The following PKM variants were observed in gnomAD, a reference collection of about 807,000 sequenced individuals.
The protein encoded by PKM is pyruvate kinase M1/2.
In PKM, 18 loss-of-function variants were observed where a neutral mutation model predicts 49.8. The observed-to-expected ratio is 0.36, with a 90% CI of 0.25 to 0.54. The LOEUF (loss-of-function observed/expected upper bound fraction) is 0.54. PKM is among the 20% of genes least tolerant of loss of function. PKM has a pLI of 0.89. For missense variants in PKM, 508 were observed against 713.8 expected (o/e 0.71, Z 3.28); for synonymous variants, 239 against 261.8 (o/e 0.91, Z 0.84).
At chr15:72,224,232 C>T (rs978958009) in intron 1 of PKM, among the ~76,000 whole-genome samples, 1 of 152,182 alleles carries the variant, frequency 6.6e-6, no homozygotes, top group African/African-American at 2.4e-5. Flanking sequence ...TGCCTCCTTA[C>T]TAGGATTAAA....
At position 72,217,428 on chromosome 15, in the gene PKM, A is replaced by G. The variant is rs1216580560; in HGVS notation, c.227T>C (p.Phe76Ser). 1 of 1,609,706 alleles carries G rather than the reference A, an allele frequency of 6.2e-7. No individual in the cohort carries two copies. Among genetic ancestry groups the G allele is most frequent in the Non-Finnish European group, 8.5e-7 (1 of 1,176,084 alleles). ...GCTCACCTCATGAGTTCCATGAGAG[A>G]AGTTCAGACGAGCCACATTCATTCC... Reference protein sequence around the residue: ...KSGMNVARLNFSHGTHEYHAE... With the variant: ...KSGMNVARLNSSHGTHEYHAE... Residue 76 changes from phenylalanine to serine, a missense_variant, in exon 3 of 11, where the codon TTC becomes TCC. By Grantham distance (155) the Phe-to-Ser change is radical (BLOSUM62 -2). Coordinates refer to ENST00000335181, the MANE Select transcript of PKM (RefSeq NM_002654.6).
rs2081912873 is a variant in PKM at position 72,200,401 on chromosome 15, G to A, written c.1489+73C>T. 10 of 1,443,742 alleles carry A rather than the reference G, an allele frequency of 6.9e-6. No homozygotes were observed. The highest frequency in any genetic ancestry group is 1.7e-5 in the Admixed American group (1 of 59,012). 89.4% of individuals were successfully genotyped at this position (1,443,742 alleles called of 1,614,324 possible). A position where few individuals can be genotyped will look rare whatever the true frequency, so the allele number is the denominator to read the frequency against. On this transcript the variant is annotated intron_variant, in intron 10 of 10. Coordinates refer to ENST00000335181, the MANE Select transcript of PKM (RefSeq NM_002654.6). This position sits in a 1 kb window ranked among gnomAD's most constrained non-coding sequence, Gnocchi z 4.6. ...TCCCCTTTCTATTCCCCAAACTTTC[G>A]GGGTCCCACAGAAGCCAATGCTCAA...
chr15:72,208,489 T>G, intron 6 of PKM, 132 bp downstream of exon 6: 1 of 910,956 alleles, frequency 1.1e-6, no homozygotes, highest in South Asian at 1.3e-5. Context: ...GATATTCTGA[T>G]TCAGCAGGTT....
intron 2 of PKM, among the ~76,000 whole-genome samples, chr15:72,218,186 C>T (rs2082422088): frequency 6.6e-6 from 1 of 151,284 alleles, no homozygotes. Flanking sequence ...GTGCAATGGT[C>T]AGATCTCAGC....
At chr15:72,208,479 G>T in intron 6 of PKM, 142 bp downstream of exon 6, 1 of 868,000 alleles carries the variant, frequency 1.2e-6, no homozygotes, top group Non-Finnish European at 1.9e-6. Context: ...ACTCTCCTAA[G>T]ATATTCTGAT....
intron 5 of PKM, 118 bp downstream of exon 5, chr15:72,209,555 G>GAGAAC: frequency 1.2e-6 from 1 of 838,216 alleles, no homozygotes; most frequent in Non-Finnish European, 2.1e-6. Context: ...AGGGATTCCT[G>GAGAAC]AGAACACACA....
At chr15:72,206,901 A>T (rs1320424039) in intron 7 of PKM, 21 bp from the exon 8 acceptor site, 1 of 1,613,630 alleles carries the variant, frequency 6.2e-7, no homozygotes, top group Non-Finnish European at 8.5e-7. Context: ...ACAGAGCATT[A>T]GTGAGATGTA....
chr15:72,206,296 AAAGG>A (rs2082076812), intron 8 of PKM: 1 of 197,240 alleles, frequency 5.1e-6, no homozygotes. Flanking sequence ...ATTGGAAGCC[AAAGG>A]AAGAGGGCAG....
intron 1 of PKM, among the ~76,000 whole-genome samples, chr15:72,220,550 G>A (rs1006938507): frequency 4.6e-5 from 7 of 152,164 alleles, no homozygotes; most frequent in African/African-American, 1.7e-4. Context: ...CTTTTAAAAT[G>A]GGGAAATAAG....
At chr15:72,224,538 C>T (rs1344894961) in intron 1 of PKM, among the ~76,000 whole-genome samples, 1 of 152,166 alleles carries the variant, frequency 6.6e-6, no homozygotes, top group Admixed American at 6.5e-5. Flanking sequence ...GTTTTAACAT[C>T]TGCCTCTCTA....
chr15:72,214,155 G>A (rs2082321385), intron 3 of PKM, among the ~76,000 whole-genome samples: 1 of 151,976 alleles, frequency 6.6e-6, no homozygotes, highest in Admixed American at 6.5e-5. Flanking sequence ...CAGTTTTCTT[G>A]ACTTTGTTCT....
intron 3 of PKM, 24 bp from the exon 4 acceptor site, chr15:72,210,502 C>G: frequency 5.0e-6 from 8 of 1,613,902 alleles, no homozygotes; most frequent in Non-Finnish European, 6.8e-6. Context: ...AGGAAGATGA[C>G]AAGCGTGCTC....
In PKM at chr15:72,200,339, AGTCGCTG is replaced by A. The variant is rs1482931879; in HGVS notation, c.1489+128_1489+134del. On this transcript the variant is annotated intron_variant, in intron 10 of 10. Transcript: ENST00000335181. The surrounding 1 kb of genome is among the most constrained non-coding windows in gnomAD (Gnocchi z 4.6). ...AACATTCCCAATAAGGGAGAGGAACAGTCGCTGGGCCTTTTGCCCCACTAAGGTCTGT... is the reference window on the plus strand; with the variant it reads ...AACATTCCCAATAAGGGAGAGGAACAGGCCTTTTGCCCCACTAAGGTCTGT... 5 of 763,118 alleles carry A rather than the reference AGTCGCTG, an allele frequency of 6.6e-6. No individual in the cohort carries two copies. The highest frequency in any genetic ancestry group is 1.7e-5 in the African/African-American group (1 of 58,296). 47.3% of individuals were successfully genotyped at this position (763,118 alleles called of 1,614,324 possible). A position where few individuals can be genotyped will look rare whatever the true frequency, so the allele number is the denominator to read the frequency against.
At chr15:72,206,589 T>C in intron 8 of PKM, 139 bp downstream of exon 8, 1 of 734,206 alleles carries the variant, frequency 1.4e-6, no homozygotes, top group Non-Finnish European at 2.3e-6. Context: ...ACCCCCACCC[T>C]CTTGCTGCTG....
At chr15:72,205,965 AGCC>A (rs769874151) in intron 8 of PKM, among the ~76,000 whole-genome samples, 26 of 152,150 alleles carry the variant, frequency 1.7e-4, no homozygotes, top group Non-Finnish European at 2.8e-4. Context: ...AAGCTGGAAG[AGCC>A]TGAAGAACGA....
chr15:72,216,660 GAAC>G (rs1253667937), intron 3 of PKM, among the ~76,000 whole-genome samples: 1 of 152,144 alleles, frequency 6.6e-6, no homozygotes, highest in Admixed American at 6.5e-5. Context: ...GTACCTCAGG[GAAC>G]CCCAAGCTCC....
At chr15:72,229,619 C>G (rs1015163635) in intron 1 of PKM, 2 of 1,270,148 alleles carry the variant, frequency 1.6e-6, no homozygotes, top group Admixed American at 4.6e-5. Flanking sequence ...GTGCTTGCCA[C>G]CTGGTGAGAC....
In PKM at chr15:72,223,380, T is replaced by G. The variant is rs1024555262; in HGVS notation, c.-13-4270A>C. Among the ~76,000 whole-genome samples the G allele has an allele frequency of 2.6e-5, 4 of 152,234 alleles. No homozygotes were observed. In the East Asian group the frequency reaches 7.7e-4, roughly 29 times the overall value. ...CCAACCTCATCACATAGATCAACTA[T>G]AAAATGATGGCACCTGATGCTCACT... is the stretch of plus-strand genomic sequence containing the variant. On this transcript the variant is annotated intron_variant, in intron 1 of 10. Coordinates refer to ENST00000335181, the MANE Select transcript of PKM (RefSeq NM_002654.6).
chr15:72,209,638 G>T (rs1257933560), intron 5 of PKM, 35 bp downstream of exon 5: 1 of 1,592,794 alleles, frequency 6.3e-7, no homozygotes, highest in Non-Finnish European at 8.6e-7. Context: ...ACAAAAGACT[G>T]TTTTAGACAA....
Sources: allele counts gnomAD v4.1 joint callset (sites outside exome capture counted in the v4.1 genomes callset), GRCh38; gene constraint gnomAD v4.1.1; non-coding constraint Gnocchi (gnomAD v3.1); transcripts MANE v1.5; gene names NCBI Gene and HGNC (gene_info 2026-07-23, HGNC 2026-07-21).